Variants in KAZN observed in about 807,000 individuals in gnomAD.
KAZN encodes kazrin, periplakin interacting protein, also known as kazrin.
Under a neutral mutation model 87.4 loss-of-function variants are expected in KAZN, and 40 were observed. The ratio of observed to expected loss-of-function variants is 0.46; its 90% CI spans 0.36 to 0.60. The LOEUF (loss-of-function observed/expected upper bound fraction) is 0.60. KAZN is among the 20% of genes least tolerant of loss of function. KAZN has a pLI of 0.00. For synonymous variants in KAZN, 466 were observed against 458.3 expected (o/e 1.02, Z -0.22); for missense variants, 898 against 1,073.9 (o/e 0.84, Z 2.29).
intron 2 of KAZN, among the ~76,000 whole-genome samples, chr1:14,551,533 G>A (rs189303115): frequency 7.3e-4 from 111 of 152,258 alleles, no homozygotes; most frequent in Non-Finnish European, 8.7e-4. Context: ...CTGTTGGCTG[G>A]TTGGTTACAA....
chr1:14,740,550 C>G (rs189838177), intron 1 of KAZN, among the ~76,000 whole-genome samples: 1 of 152,046 alleles, frequency 6.6e-6, no homozygotes. Flanking sequence ...CTCCGCCCCC[C>G]CAAAAAAATG....
At chr1:15,090,866 G>T (rs1004656734) in intron 8 of KAZN, among the ~76,000 whole-genome samples, 1 of 152,204 alleles carries the variant, frequency 6.6e-6, no homozygotes, top group Non-Finnish European at 1.5e-5. Flanking sequence ...TGAGGCACAA[G>T]GTGTTTGGGA....
intron 1 of KAZN, among the ~76,000 whole-genome samples, chr1:14,781,467 G>C (rs538451116): frequency 2.0e-5 from 3 of 152,204 alleles, no homozygotes; most frequent in Non-Finnish European, 1.5e-5. Flanking sequence ...TTCAGAAGGG[G>C]ATATTTACAA....
intron 2 of KAZN, among the ~76,000 whole-genome samples, chr1:14,246,686 G>A (rs1023522668): frequency 1.3e-5 from 2 of 152,042 alleles, no homozygotes; most frequent in African/African-American, 4.8e-5. Context: ...TTCCCTTACT[G>A]TTCTTTATAG....
At chr1:14,858,801 T>C (rs1483191183) in intron 1 of KAZN, among the ~76,000 whole-genome samples, 1 of 152,186 alleles carries the variant, frequency 6.6e-6, no homozygotes, top group African/African-American at 2.4e-5. Flanking sequence ...AGACCTTAAC[T>C]GAACAGCCCC....
intron 2 of KAZN, among the ~76,000 whole-genome samples, chr1:14,506,073 C>A (rs545261340): frequency 5.3e-5 from 8 of 152,170 alleles, no homozygotes; most frequent in South Asian, 2.1e-4. Context: ...GCTAAGATAG[C>A]AAATCTTATG....
intron 2 of KAZN, among the ~76,000 whole-genome samples, chr1:14,555,583 T>C (rs1372156784): frequency 6.6e-6 from 1 of 152,166 alleles, no homozygotes; most frequent in East Asian, 1.9e-4. Flanking sequence ...AAATGCCGTG[T>C]AGGAAAGTTG....
At chr1:14,997,948 G>C (rs1185030909) in intron 2 of KAZN, among the ~76,000 whole-genome samples, 1 of 152,230 alleles carries the variant, frequency 6.6e-6, no homozygotes, top group Non-Finnish European at 1.5e-5. Context: ...ATGTATGTGA[G>C]GAACTTGGGA....
Position 14,911,054 on chromosome 1 carries a change from G to A in KAZN, c.227-49630G>A, listed in dbSNP as rs183645522. On this transcript the variant is annotated intron_variant, in intron 1 of 14. Transcript: ENST00000376030. ...TGCAGCAGTTTGAATCTGAGGCACC[G>A]TGAACAAGCTCCATGCCAGGCCTCT... is the stretch of plus-strand genomic sequence containing the variant. 1.6e-3 allele frequency among the ~76,000 whole-genome samples: 239 copies of A among 152,308 alleles called. 2 individuals are homozygous for A. Among genetic ancestry groups the A allele is most frequent in the African/African-American group, 5.6e-3 (232 of 41,568 alleles).
chr1:13,914,784 G>T (rs760290471), intron 1 of KAZN, among the ~76,000 whole-genome samples: 6 of 152,226 alleles, frequency 3.9e-5, no homozygotes, highest in Non-Finnish European at 8.8e-5. Context: ...AGCTCCAGGA[G>T]CCCAGAGTGA....
At chr1:14,457,829 T>TC (rs1340370307) in intron 2 of KAZN, among the ~76,000 whole-genome samples, 2 of 151,758 alleles carry the variant, frequency 1.3e-5, no homozygotes, top group Non-Finnish European at 2.9e-5. Context: ...GTTTTGTTTT[T>TC]TTTTTTGAAA....
chr1:13,990,501 A>G lies in KAZN; in HGVS notation c.91+96745A>G, dbSNP rs371861164. On this transcript the variant is annotated intron_variant, in intron 1 of 16. Coordinates refer to the KAZN transcript ENST00000636203. Reference sequence around the variant, plus strand: ...GCTAATCTGTAGGTAGAAAAAAATCAACACACTAGCTGACCATGGTGAGTA... The same window carrying G: ...GCTAATCTGTAGGTAGAAAAAAATCGACACACTAGCTGACCATGGTGAGTA... Among the ~76,000 whole-genome samples, 380 of 151,092 alleles carry G rather than the reference A, an allele frequency of 2.5e-3. 2 individuals are homozygous for G. Among genetic ancestry groups the G allele is most frequent in the African/African-American group, 8.6e-3 (354 of 41,058 alleles).
intron 1 of KAZN, among the ~76,000 whole-genome samples, chr1:14,040,273 G>T (rs1454589599): frequency 2.6e-5 from 4 of 152,068 alleles, no homozygotes; most frequent in Non-Finnish European, 5.9e-5. Context: ...AGCTGACTCT[G>T]TAACAGGAAA....
At chr1:14,115,939 C>T (rs1557487691) in intron 1 of KAZN, among the ~76,000 whole-genome samples, 1 of 152,100 alleles carries the variant, frequency 6.6e-6, no homozygotes, top group Non-Finnish European at 1.5e-5. Context: ...AGCATTTTGC[C>T]CTTGCCCTAG....
At chr1:15,091,414 G>A (rs940915840) in intron 8 of KAZN, among the ~76,000 whole-genome samples, 1 of 152,088 alleles carries the variant, frequency 6.6e-6, no homozygotes, top group Non-Finnish European at 1.5e-5. Flanking sequence ...GCACAATCTC[G>A]ACTTACTGCA....
intron 2 of KAZN, among the ~76,000 whole-genome samples, chr1:14,314,250 A>T (rs1655498733): frequency 6.6e-6 from 1 of 152,164 alleles, no homozygotes; most frequent in Non-Finnish European, 1.5e-5. Flanking sequence ...CTTTGACCTG[A>T]TCTTGCAACA....
intron 2 of KAZN, among the ~76,000 whole-genome samples, chr1:14,339,118 G>A (rs1373263577): frequency 6.6e-6 from 1 of 152,172 alleles, no homozygotes; most frequent in African/African-American, 2.4e-5. Context: ...GAGAGAGACA[G>A]AGAGAAAGAG....
Position 14,957,004 on chromosome 1 carries a change from C to T in KAZN, c.227-3680C>T, listed in dbSNP as rs572831374. ...CATCCTCTAGGGTCCATCTGGAATG[C>T]CGCCAACTTCTCAAGGGTGTCCGAG... On this transcript the variant is annotated intron_variant, in intron 1 of 14. Coordinates refer to ENST00000376030, the MANE Select transcript of KAZN (RefSeq NM_201628.3). Among the ~76,000 whole-genome samples, 28 of 152,292 alleles carry T rather than the reference C, an allele frequency of 1.8e-4. 1 individual carries two copies. Among genetic ancestry groups the T allele is most frequent in the African/African-American group, 6.0e-4 (25 of 41,556 alleles).
intron 8 of KAZN, among the ~76,000 whole-genome samples, chr1:15,084,017 C>T (rs2100642929): frequency 6.6e-6 from 1 of 152,294 alleles, no homozygotes; most frequent in South Asian, 2.1e-4. Flanking sequence ...TGCCCTTTGC[C>T]CCTTTATTCC....
Sources: allele counts gnomAD v4.1 joint callset (sites outside exome capture counted in the v4.1 genomes callset), GRCh38; gene constraint gnomAD v4.1.1; transcripts MANE v1.5; gene names NCBI Gene and HGNC (gene_info 2026-07-23, HGNC 2026-07-21).